Variants in ARID2 observed in about 807,000 individuals in gnomAD.
The protein encoded by ARID2 is AT-rich interactive domain-containing protein 2.
ARID2 carries 32 observed loss-of-function variants against 184.6 expected under a neutral mutation model. The ratio of observed to expected loss-of-function variants is 0.17; its 90% CI spans 0.13 to 0.23. The LOEUF (loss-of-function observed/expected upper bound fraction) is 0.23, where lower values mean the gene tolerates loss of function less well. ARID2 is among the 10% of genes least tolerant of loss of function. The probability of loss-of-function intolerance (pLI) is 1.00; values close to 1 mark genes in which losing one functional copy is unlikely to be tolerated. For synonymous variants in ARID2, 836 were observed against 772.6 expected, an observed-to-expected ratio of 1.08 and a Z score of -1.36; for missense variants, 1,696 against 2,197.6, an observed-to-expected ratio of 0.77 and a Z score of 4.56.
chr12:45,905,253 C>A lies in ARID2; in HGVS notation c.*175C>A. 1 of 535,526 alleles carries A rather than the reference C, an allele frequency of 1.9e-6. No individual in the cohort carries two copies. The highest frequency in any genetic ancestry group is 2.9e-6 in the Non-Finnish European group (1 of 341,598). 33.2% of individuals were successfully genotyped at this position (535,526 alleles called of 1,614,324 possible). On this transcript the variant is annotated 3_prime_UTR_variant, in exon 21 of 21. Transcript: ENST00000334344. ...TGATCTCTGAGTGAATCCCTTTGTT[C>A]TCTGTTTAAAAAAATCTAAAAAGAA...
intron 15 of ARID2, among the ~76,000 whole-genome samples, chr12:45,857,015 T>C (rs1440635472): frequency 6.6e-6 from 1 of 152,164 alleles, no homozygotes; most frequent in African/African-American, 2.4e-5. Context: ...TAAAAAAGAA[T>C]TTATAAAATG....
chr12:45,799,294 C>A (rs1942451222), intron 3 of ARID2, among the ~76,000 whole-genome samples: 1 of 152,048 alleles, frequency 6.6e-6, no homozygotes, highest in Non-Finnish European at 1.5e-5. Flanking sequence ...GTTTGTCATG[C>A]ATTGATTGGA....
At chr12:45,771,122 A>G (rs550636719) in intron 3 of ARID2, among the ~76,000 whole-genome samples, 27 of 152,286 alleles carry the variant, frequency 1.8e-4, no homozygotes, top group Admixed American at 1.0e-3. Flanking sequence ...GATAGTATAA[A>G]TGCATATTTC....
intron 3 of ARID2, among the ~76,000 whole-genome samples, chr12:45,777,240 A>C (rs1338513695): frequency 2.0e-5 from 3 of 152,188 alleles, no homozygotes; most frequent in African/African-American, 7.2e-5. Context: ...CTAAAAGTTC[A>C]TAGTATAGTA....
rs1415581019 is a variant in ARID2 at position 45,848,919 on chromosome 12, A to G, written c.1664A>G (p.Lys555Arg). Reference sequence around the variant, plus strand: ...TCTGAATACCTCTCGACTTGCAGTAAATTAGCTCGTGGTGGAATCCTAACA... The same window carrying G: ...TCTGAATACCTCTCGACTTGCAGTAGATTAGCTCGTGGTGGAATCCTAACA... ...MYSEYLSTCSKLARGGILTST... is the reference protein window; with the variant it reads ...MYSEYLSTCSRLARGGILTST... Residue 555 changes from lysine to arginine, a missense_variant, in exon 13 of 21, where the codon AAA becomes AGA. By Grantham distance (26) the Lys-to-Arg change is conservative (BLOSUM62 2). This residue lies in a region of ARID2 where 713 missense variants were observed against 824.4 expected (regional missense o/e 0.86). Coordinates refer to ENST00000334344, the MANE Select transcript of ARID2 (RefSeq NM_152641.4). 6 of 1,612,684 alleles carry G rather than the reference A, an allele frequency of 3.7e-6. No homozygotes were observed. Among genetic ancestry groups the G allele is most frequent in the Non-Finnish European group, 5.1e-6 (6 of 1,179,120 alleles).
intron 3 of ARID2, among the ~76,000 whole-genome samples, chr12:45,744,741 T>C (rs1189958596): frequency 6.6e-6 from 1 of 152,194 alleles, no homozygotes; most frequent in African/African-American, 2.4e-5. Context: ...ATGAACCCCC[T>C]AAAGAAGAAA....
intron 16 of ARID2, among the ~76,000 whole-genome samples, chr12:45,875,899 A>G (rs1245156312): frequency 3.9e-5 from 6 of 152,196 alleles, no homozygotes; most frequent in African/African-American, 1.4e-4. Flanking sequence ...AGACCTCTAC[A>G]ACTGTCTCCA....
At chr12:45,776,730 G>A (rs1050218782) in intron 3 of ARID2, among the ~76,000 whole-genome samples, 4 of 150,058 alleles carry the variant, frequency 2.7e-5, no homozygotes, top group Admixed American at 6.6e-5. Context: ...CGGACAGATC[G>A]TTTGAGCCCA....
At chr12:45,822,803 C>A (rs1189082485) in intron 6 of ARID2, among the ~76,000 whole-genome samples, 1 of 152,074 alleles carries the variant, frequency 6.6e-6, no homozygotes, top group Non-Finnish European at 1.5e-5. Flanking sequence ...TATATGCACT[C>A]AACACTGGAG....
At chr12:45,844,555 C>T (rs1175647814) in intron 11 of ARID2, among the ~76,000 whole-genome samples, 1 of 152,102 alleles carries the variant, frequency 6.6e-6, no homozygotes, top group Non-Finnish European at 1.5e-5. Flanking sequence ...GAAGCTATAC[C>T]AATAATACCT....
intron 2 of ARID2, 92 bp downstream of exon 2, chr12:45,730,229 G>T (rs1940954012): frequency 7.8e-7 from 1 of 1,284,100 alleles, no homozygotes; most frequent in Non-Finnish European, 1.1e-6. Flanking sequence ...GGCTGGGGGG[G>T]TGGCCCGCGG....
chr12:45,830,684 G>A (rs1170344742), intron 6 of ARID2, among the ~76,000 whole-genome samples: 1 of 152,000 alleles, frequency 6.6e-6, no homozygotes, highest in African/African-American at 2.4e-5. Flanking sequence ...ATTGCACAAA[G>A]TGTTTAAATA....
At chr12:45,819,309 A>G in intron 5 of ARID2, among the ~76,000 whole-genome samples, 1 of 152,166 alleles carries the variant, frequency 6.6e-6, no homozygotes, top group African/African-American at 2.4e-5. Flanking sequence ...TGTTTAAAAG[A>G]CTAAATTATT....
intron 5 of ARID2, 151 bp downstream of exon 5, chr12:45,818,039 G>T: frequency 1.7e-6 from 1 of 582,146 alleles, no homozygotes; most frequent in Non-Finnish European, 2.8e-6. Flanking sequence ...ATGAATGTTT[G>T]GGGGGTTTTA....
intron 16 of ARID2, among the ~76,000 whole-genome samples, chr12:45,879,298 A>G (rs1306054052): frequency 1.3e-5 from 2 of 152,090 alleles, no homozygotes; most frequent in Non-Finnish European, 2.9e-5. Context: ...GTCGTTTTTC[A>G]TGAGACAGAC....
chr12:45,729,730 G>GCCGCCA lies in ARID2; in HGVS notation c.-102_-101insACCGCC. 8.8e-7 allele frequency: 1 copy of GCCGCCA among 1,134,824 alleles called. No individual in the cohort carries two copies. The highest frequency in any genetic ancestry group is 1.2e-6 in the Non-Finnish European group (1 of 815,324). The allele number at this position is 1,134,824 out of a possible 1,614,324, so 70.3% of individuals were successfully genotyped here. On this transcript the variant is annotated 5_prime_UTR_variant, in exon 1 of 21. Transcript: ENST00000334344. ...CGCCGGCCCATGACTGAGCCCCGCC[G>GCCGCCA]CCGCCGGCCGAGGAATGGGCTCCGG...
chr12:45,895,327 C>G (rs2136464676), intron 20 of ARID2, among the ~76,000 whole-genome samples: 1 of 152,276 alleles, frequency 6.6e-6, no homozygotes, highest in African/African-American at 2.4e-5. Context: ...TCCTTACTAC[C>G]TTAACCCTGA....
At chr12:45,819,680 A>G (rs1313321399) in intron 5 of ARID2, among the ~76,000 whole-genome samples, 1 of 151,040 alleles carries the variant, frequency 6.6e-6, no homozygotes. Flanking sequence ...TCAATTTTAT[A>G]TTTCTGCCCT....
At chr12:45,734,435 C>T (rs995226740) in intron 3 of ARID2, among the ~76,000 whole-genome samples, 1 of 152,102 alleles carries the variant, frequency 6.6e-6, no homozygotes, top group Admixed American at 6.5e-5. Flanking sequence ...GATGTTTATG[C>T]ACTTTATTTT....
Sources: gnomAD v4.1 joint callset for allele counts (sites outside exome capture counted in the v4.1 genomes callset) on GRCh38, gnomAD v4.1.1 for gene constraint, gnomAD v4.1.1 regional missense constraint, MANE v1.5 for transcripts, NCBI Gene and HGNC (gene_info 2026-07-23, HGNC 2026-07-21) for gene names.